Variants in NFIB observed in about 807,000 individuals in gnomAD.
NFIB encodes nuclear factor I B, also known as nuclear factor 1 B-type.
In NFIB, 11 loss-of-function variants were observed where a neutral mutation model predicts 61.5. The observed-to-expected ratio is 0.18, with a 90% CI of 0.11 to 0.30. NFIB has a LOEUF of 0.30. NFIB is among the 10% of genes least tolerant of loss of function. The pLI is 1.00. For missense variants in NFIB, 471 were observed against 608.9 expected, an observed-to-expected ratio of 0.77 and a Z score of 2.38; for synonymous variants, 260 against 216.5, an observed-to-expected ratio of 1.20 and a Z score of -1.76.
chr9:14,126,953 T>G (rs149414634), intron 6 of NFIB, among the ~76,000 whole-genome samples: 5 of 152,254 alleles, frequency 3.3e-5, no homozygotes, highest in African/African-American at 9.6e-5. Context: ...CTTTAAAGCT[T>G]AAAATCTAGT....
At chr9:14,510,225 ATTGAT>A in the NFIB span, among the ~76,000 whole-genome samples, 14 of 152,194 alleles carry the variant, frequency 9.2e-5, no homozygotes, top group Admixed American at 4.6e-4. Context: ...CTGAGATGTG[ATTGAT>A]TTAAGTTAAA....
At chr9:14,264,627 G>A (rs2057049375) in intron 2 of NFIB, among the ~76,000 whole-genome samples, 1 of 152,102 alleles carries the variant, frequency 6.6e-6, no homozygotes, top group Admixed American at 6.6e-5. Context: ...CAAAGGGTCC[G>A]ATCTGCTATA....
At chr9:14,337,117 T>C (rs1243582478) in intron 1 of NFIB, among the ~76,000 whole-genome samples, 1 of 152,246 alleles carries the variant, frequency 6.6e-6, no homozygotes, top group South Asian at 2.1e-4. Flanking sequence ...TAACAGGTTC[T>C]ATTTGGCTTG....
intron 10 of NFIB, chr9:14,102,545 G>A (rs2035932570): frequency 2.6e-6 from 4 of 1,517,608 alleles, no homozygotes; most frequent in East Asian, 2.5e-5. Flanking sequence ...GATATGGATC[G>A]AGCAGTACTA....
At chr9:14,480,487 C>G in the NFIB span, among the ~76,000 whole-genome samples, 2 of 150,772 alleles carry the variant, frequency 1.3e-5, no homozygotes, top group African/African-American at 4.8e-5. Context: ...CTGAGAAGGA[C>G]AGTCCATTAT....
At chr9:14,404,788 C>A in the NFIB span, among the ~76,000 whole-genome samples, 27 of 152,120 alleles carry the variant, frequency 1.8e-4, no homozygotes, top group African/African-American at 6.5e-4. Context: ...ACAGTAGCAG[C>A]AAGATTGTCT....
At chr9:14,363,457 A>G (rs1426171551) in intron 1 of NFIB, among the ~76,000 whole-genome samples, 1 of 152,090 alleles carries the variant, frequency 6.6e-6, no homozygotes, top group Non-Finnish European at 1.5e-5. Flanking sequence ...TCCGATGTCA[A>G]CCAAGTTTTT....
At chr9:14,104,749 T>G (rs1176049030) in intron 10 of NFIB, among the ~76,000 whole-genome samples, 1 of 140,094 alleles carries the variant, frequency 7.1e-6, no homozygotes, top group Non-Finnish European at 1.6e-5. Context: ...CCTGGCTAAT[T>G]AAAAAAAAAA....
At chr9:14,388,282 G>C (rs3901589) in intron 1 of NFIB, among the ~76,000 whole-genome samples, 2,530 of 151,968 alleles carry the variant, frequency 0.017, 52 homozygotes, top group African/African-American at 0.058. Context: ...GGCTGGGGTG[G>C]GAGGATTAAT....
intron 2 of NFIB, among the ~76,000 whole-genome samples, chr9:14,260,562 T>C (rs1183309008): frequency 6.6e-6 from 1 of 152,260 alleles, no homozygotes; most frequent in African/African-American, 2.4e-5. Context: ...TTCCCTCCTC[T>C]ACGGTTTTGA....
the NFIB span, among the ~76,000 whole-genome samples, chr9:14,486,396 G>C: frequency 6.6e-6 from 1 of 152,134 alleles, no homozygotes; most frequent in Non-Finnish European, 1.5e-5. Context: ...TCGTTGTCAA[G>C]GAAATCAAGG....
the NFIB span, among the ~76,000 whole-genome samples, chr9:14,483,426 A>G: frequency 6.6e-6 from 1 of 152,172 alleles, no homozygotes; most frequent in Non-Finnish European, 1.5e-5. Context: ...GAGGACAAAA[A>G]CAAAGCTTAT....
chr9:14,468,056 G>C, the NFIB span, among the ~76,000 whole-genome samples: 1 of 152,190 alleles, frequency 6.6e-6, no homozygotes, highest in Non-Finnish European at 1.5e-5. Context: ...TATTTCTCCA[G>C]AATTTATGTG....
At chr9:14,512,240 G>A in the NFIB span, among the ~76,000 whole-genome samples, 1 of 152,234 alleles carries the variant, frequency 6.6e-6, no homozygotes, top group East Asian at 1.9e-4. Context: ...CAAACCCCAG[G>A]TACATGTAGC....
In NFIB at chr9:14,383,455, G is replaced by C. The variant is rs551040924; in HGVS notation, c.108+15069C>G. Among the ~76,000 whole-genome samples, 106 of 152,256 alleles carry C rather than the reference G, an allele frequency of 7.0e-4. 2 individuals carry two copies. Among genetic ancestry groups the C allele is most frequent in the Middle Eastern group, 3.4e-3 (1 of 294 alleles). ...CAGGAGGAGAGAAAAGAGTGTCAAG[G>C]CGGTGCTAAGAATCTGGGAAACCTG... is the stretch of plus-strand genomic sequence containing the variant. On this transcript the variant is annotated intron_variant, in intron 1 of 8. Coordinates refer to the NFIB transcript ENST00000380934.
At chr9:14,146,444 G>C (rs2042283959) in intron 6 of NFIB, among the ~76,000 whole-genome samples, 1 of 151,968 alleles carries the variant, frequency 6.6e-6, no homozygotes, top group Non-Finnish European at 1.5e-5. Flanking sequence ...ATACATAATT[G>C]TGGGTTCTAA....
the NFIB span, among the ~76,000 whole-genome samples, chr9:14,519,061 T>C: frequency 4.6e-5 from 7 of 152,314 alleles, no homozygotes; most frequent in Admixed American, 3.9e-4. Flanking sequence ...AAATTGCTAA[T>C]GAACAGCTCA....
chr9:14,184,561 C>T (rs922953167), intron 2 of NFIB, among the ~76,000 whole-genome samples: 1 of 152,076 alleles, frequency 6.6e-6, no homozygotes, highest in African/African-American at 2.4e-5. Flanking sequence ...GGTGGAAGCT[C>T]TGTAAGATGT....
the NFIB span, among the ~76,000 whole-genome samples, chr9:14,437,374 T>C: frequency 6.6e-6 from 1 of 152,252 alleles, no homozygotes; most frequent in Admixed American, 6.5e-5. Flanking sequence ...TCCCTGCCTA[T>C]GGCAACACAT....
Sources: allele counts gnomAD v4.1 joint callset (sites outside exome capture counted in the v4.1 genomes callset), GRCh38; gene constraint gnomAD v4.1.1; transcripts MANE v1.5; gene names NCBI Gene and HGNC (gene_info 2026-07-23, HGNC 2026-07-21).